DGKB: variants seen among roughly 807,000 people sequenced by gnomAD.
DGKB encodes the protein diacylglycerol kinase beta.
In DGKB, 67 loss-of-function variants were observed where a neutral mutation model predicts 114.3. The observed-to-expected ratio is 0.59, with a 90% confidence interval of 0.48 to 0.72. The LOEUF is 0.72. Among genes scored for constraint, DGKB ranks in the 30% least tolerant of loss-of-function variants. The pLI is 0.00. For synonymous variants in DGKB, 398 were observed against 323.1 expected, an observed-to-expected ratio of 1.23 and a Z score of -2.49; for missense variants, 907 against 975.2, an observed-to-expected ratio of 0.93 and a Z score of 0.93.
chr7:14,488,026 T>C (rs1264336131), intron 20 of DGKB, among the ~76,000 whole-genome samples: 3 of 152,158 alleles, frequency 2.0e-5, no homozygotes, highest in Non-Finnish European at 4.4e-5. Context: ...AAAGCAAATG[T>C]ACAAATGATT....
chr7:14,845,183 T>C (rs1256224032), intron 1 of DGKB, among the ~76,000 whole-genome samples: 1 of 149,006 alleles, frequency 6.7e-6, no homozygotes, highest in East Asian at 2.0e-4. Context: ...CAGTTCATTA[T>C]GAGAAATTCA....
intron 23 of DGKB, among the ~76,000 whole-genome samples, chr7:14,188,659 C>CAAAAA (rs35808078): frequency 3.8e-4 from 13 of 34,076 alleles, no homozygotes; most frequent in African/African-American, 9.9e-4. Flanking sequence ...GACTCCGTCT[C>CAAAAA]AAAAAAAAAA....
At chr7:14,418,526 C>T (rs1826152811) in intron 21 of DGKB, among the ~76,000 whole-genome samples, 1 of 151,206 alleles carries the variant, frequency 6.6e-6, no homozygotes, top group African/African-American at 2.4e-5. Context: ...AGTAACTATC[C>T]TACAAATGTT....
chr7:14,917,375 T>C (rs1359353181), intron 1 of DGKB, among the ~76,000 whole-genome samples: 1 of 152,026 alleles, frequency 6.6e-6, no homozygotes, highest in Non-Finnish European at 1.5e-5. Context: ...AGTGAACTTC[T>C]AGCCAGGCCA....
chr7:14,535,744 C>T (rs1033830243), intron 20 of DGKB, among the ~76,000 whole-genome samples: 6 of 152,136 alleles, frequency 3.9e-5, no homozygotes, highest in Middle Eastern at 3.4e-3. Context: ...CCCGCCACCA[C>T]GCCCAGCTGA....
At chr7:14,942,801 C>A (rs1383064713) in intron 1 of DGKB, among the ~76,000 whole-genome samples, 1 of 151,930 alleles carries the variant, frequency 6.6e-6, no homozygotes, top group Non-Finnish European at 1.5e-5. Flanking sequence ...TTTCAAAAGT[C>A]TTCTCCTTAT....
intron 2 of DGKB, among the ~76,000 whole-genome samples, chr7:14,825,088 A>G (rs1158999480): frequency 6.8e-6 from 1 of 146,222 alleles, no homozygotes; most frequent in Non-Finnish European, 1.5e-5. Context: ...AGATATATAG[A>G]GCATTAATTT....
intron 23 of DGKB, among the ~76,000 whole-genome samples, chr7:14,189,777 T>C (rs1048782251): frequency 6.6e-6 from 1 of 152,150 alleles, no homozygotes. Context: ...ATAAAAGATA[T>C]TTTAAGTCAA....
At chr7:14,175,213 A>AT (rs766180488) in intron 25 of DGKB, among the ~76,000 whole-genome samples, 2 of 152,060 alleles carry the variant, frequency 1.3e-5, no homozygotes, top group Non-Finnish European at 2.9e-5. Flanking sequence ...CAGAACTTGT[A>AT]TTTTCTCCAT....
At chr7:14,804,552 G>A (rs372941714) in intron 2 of DGKB, among the ~76,000 whole-genome samples, 21 of 151,804 alleles carry the variant, frequency 1.4e-4, no homozygotes, top group African/African-American at 4.6e-4. Context: ...GGTAGAAAAT[G>A]TGTGTCCTCT....
chr7:14,957,310 CT>C (rs1288039167), intron 1 of DGKB, among the ~76,000 whole-genome samples: 2 of 151,828 alleles, frequency 1.3e-5, no homozygotes, highest in Non-Finnish European at 2.9e-5. Flanking sequence ...TAGAATGCTG[CT>C]TTGGTCTATT....
chr7:14,939,628 T>A (rs1323751183), intron 1 of DGKB, among the ~76,000 whole-genome samples: 3 of 135,382 alleles, frequency 2.2e-5, no homozygotes, highest in African/African-American at 5.9e-5. Flanking sequence ...ATACTTTTTT[T>A]TTTTTTTTTT....
intron 1 of DGKB, among the ~76,000 whole-genome samples, chr7:14,910,698 C>G (rs1287969040): frequency 6.6e-6 from 1 of 152,104 alleles, no homozygotes; most frequent in African/African-American, 2.4e-5. Context: ...ATGACAAAAG[C>G]ACTGAATCTC....
chr7:14,920,966 C>T (rs36853), intron 1 of DGKB, among the ~76,000 whole-genome samples: 82,213 of 151,814 alleles, frequency 0.54, 24,293 homozygotes, highest in East Asian at 0.92. Context: ...CATTCCCACT[C>T]TAGGTTCAGG....
chr7:14,504,969 C>A (rs192085779), intron 20 of DGKB, among the ~76,000 whole-genome samples: 23 of 152,248 alleles, frequency 1.5e-4, no homozygotes, highest in Admixed American at 1.5e-3. Context: ...CTCAAAGGAA[C>A]AAGAGCCAGA....
At chr7:14,948,736 A>G (rs1398628405) in intron 1 of DGKB, among the ~76,000 whole-genome samples, 1 of 151,862 alleles carries the variant, frequency 6.6e-6, no homozygotes, top group Non-Finnish European at 1.5e-5. Flanking sequence ...AATATGAGCT[A>G]TAATAAAAAT....
At chr7:14,537,158 G>A (rs1460349711) in intron 20 of DGKB, among the ~76,000 whole-genome samples, 1 of 151,918 alleles carries the variant, frequency 6.6e-6, no homozygotes, top group Non-Finnish European at 1.5e-5. Flanking sequence ...CCTCATAAAA[G>A]AAATAAAACA....
intron 1 of DGKB, among the ~76,000 whole-genome samples, chr7:14,884,585 T>C (rs994479722): frequency 1.3e-5 from 2 of 151,954 alleles, no homozygotes; most frequent in Non-Finnish European, 2.9e-5. Context: ...AATTTATCAC[T>C]CTGCTCCTTG....
chr7:14,306,060 TTC>T (rs1491119344), intron 23 of DGKB, among the ~76,000 whole-genome samples: 31 of 152,272 alleles, frequency 2.0e-4, no homozygotes, highest in Non-Finnish European at 4.1e-4. Flanking sequence ...GTGATTTTTT[TTC>T]TTTTTTTCCT....
Sources: allele counts gnomAD v4.1 joint callset (sites outside exome capture counted in the v4.1 genomes callset), GRCh38; gene constraint gnomAD v4.1.1; transcripts MANE v1.5; gene names NCBI Gene and HGNC (gene_info 2026-07-23, HGNC 2026-07-21).